The following TAB2 variants were observed in gnomAD, a reference collection of about 807,000 sequenced individuals.
TAB2 encodes TGF-beta activated kinase 1 (MAP3K7) binding protein 2.
A neutral mutation model predicts 65.0 loss-of-function variants in TAB2; 3 were observed. The observed-to-expected ratio is 0.05, with a 90% CI of 0.02 to 0.12. The LOEUF (loss-of-function observed/expected upper bound fraction) is 0.12. Among genes scored for constraint, TAB2 ranks in the 10% least tolerant of loss-of-function variants. The pLI is 1.00. For synonymous variants in TAB2, 298 were observed against 285.1 expected (o/e 1.05, Z -0.46); for missense variants, 623 against 840.3 (o/e 0.74, Z 3.20).
intron 6 of TAB2, among the ~76,000 whole-genome samples, chr6:149,403,331 C>CATATAT (rs1163835321): frequency 3.0e-5 from 1 of 33,744 alleles, no homozygotes; most frequent in African/African-American, 1.0e-4. Context: ...CATATATATA[C>CATATAT]ATATATATAC....
chr6:149,245,809 C>T (rs1390818440), intron 1 of TAB2, among the ~76,000 whole-genome samples: 2 of 152,166 alleles, frequency 1.3e-5, no homozygotes, highest in African/African-American at 4.8e-5. Flanking sequence ...TGTACCATTC[C>T]CCTACAGATG....
chr6:149,269,313 A>C (rs1363263097), intron 1 of TAB2, among the ~76,000 whole-genome samples: 1 of 152,200 alleles, frequency 6.6e-6, no homozygotes, highest in African/African-American at 2.4e-5. Flanking sequence ...AAAAGAAGTT[A>C]CGCTAGGTTA....
chr6:149,233,399 C>T (rs1777441232), intron 1 of TAB2, among the ~76,000 whole-genome samples: 1 of 152,186 alleles, frequency 6.6e-6, no homozygotes, highest in Non-Finnish European at 1.5e-5. Flanking sequence ...CTCCTTCCTG[C>T]CTGGGCCCAG....
At chr6:149,253,950 AAG>A (rs1274546767) in intron 1 of TAB2, among the ~76,000 whole-genome samples, 1 of 111,196 alleles carries the variant, frequency 9.0e-6, no homozygotes, top group African/African-American at 3.2e-5. Context: ...AAGAGAAAGA[AAG>A]AAAGAAAAAG....
intron 2 of TAB2, among the ~76,000 whole-genome samples, 156 bp from the exon 3 acceptor site, chr6:149,377,862 C>A (rs1332035076): frequency 6.6e-6 from 1 of 152,084 alleles, no homozygotes; most frequent in Non-Finnish European, 1.5e-5. Context: ...ATTTTTAATT[C>A]AATCATTTGC....
chr6:149,371,488 A>T (rs1781225050), intron 2 of TAB2, among the ~76,000 whole-genome samples: 1 of 152,204 alleles, frequency 6.6e-6, no homozygotes, highest in Non-Finnish European at 1.5e-5. Flanking sequence ...TTCTCCCACC[A>T]GCAATGCCTT....
At chr6:149,266,904 A>G (rs1778274753) in intron 1 of TAB2, among the ~76,000 whole-genome samples, 1 of 152,240 alleles carries the variant, frequency 6.6e-6, no homozygotes, top group Non-Finnish European at 1.5e-5. Context: ...CCGAAAATGC[A>G]AAAGGGGAAC....
At chr6:149,260,369 G>A (rs988332283) in intron 1 of TAB2, among the ~76,000 whole-genome samples, 1 of 152,186 alleles carries the variant, frequency 6.6e-6, no homozygotes, top group African/African-American at 2.4e-5. Flanking sequence ...CTCAGGGTTC[G>A]GCTTTGGAGT....
intron 1 of TAB2, chr6:149,220,705 T>C (rs1316535166): frequency 1.3e-5 from 2 of 152,088 alleles, no homozygotes; most frequent in African/African-American, 4.8e-5. Flanking sequence ...ATAACTCTGA[T>C]CCCCGGGCTC....
intron 1 of TAB2, among the ~76,000 whole-genome samples, chr6:149,263,917 G>C (rs1371972994): frequency 6.6e-6 from 1 of 152,178 alleles, no homozygotes; most frequent in South Asian, 2.1e-4. Flanking sequence ...TTGGAAACTG[G>C]AGAGTCTGGC....
At chr6:149,317,423 C>A (rs1329644072), upstream of TAB2, 2 of 167,848 alleles carry the variant, frequency 1.2e-5, no homozygotes, top group Non-Finnish European at 2.4e-5. This position sits in a 1 kb window ranked among gnomAD's most constrained non-coding sequence, Gnocchi z 4.7. Context: ...CCGCAGCCGC[C>A]GCCGCCGCCG....
At chr6:149,375,030 T>C (rs1980774) in intron 2 of TAB2, among the ~76,000 whole-genome samples, 35,910 of 152,188 alleles carry the variant, frequency 0.24, 4,427 homozygotes, top group Non-Finnish European at 0.26. Context: ...TTTAGTGCTA[T>C]TTGAATATTA....
intron 1 of TAB2, among the ~76,000 whole-genome samples, chr6:149,353,552 G>C (rs976017623): frequency 1.3e-5 from 2 of 152,140 alleles, no homozygotes; most frequent in African/African-American, 4.8e-5. Context: ...ATCAAGCGGG[G>C]AACGACCCCT....
At chr6:149,332,831 A>G (rs1018762499) in intron 1 of TAB2, among the ~76,000 whole-genome samples, 4 of 152,216 alleles carry the variant, frequency 2.6e-5, no homozygotes, top group Admixed American at 6.5e-5. Flanking sequence ...AATTTGTAGA[A>G]AGACATGTCT....
chr6:149,323,664 T>G (rs2114733649), intron 1 of TAB2, among the ~76,000 whole-genome samples: 1 of 152,306 alleles, frequency 6.6e-6, no homozygotes, highest in Non-Finnish European at 1.5e-5. Context: ...CTGTAAGTTA[T>G]CCTCTACCTA....
At chr6:149,273,980 G>A (rs1313530825) in intron 1 of TAB2, among the ~76,000 whole-genome samples, 2 of 152,218 alleles carry the variant, frequency 1.3e-5, no homozygotes, top group African/African-American at 4.8e-5. Context: ...AAGAAGACTG[G>A]ACAGATGGTA....
At chr6:149,305,228 CTT>C (rs1346963357) in intron 1 of TAB2, among the ~76,000 whole-genome samples, 2 of 152,156 alleles carry the variant, frequency 1.3e-5, no homozygotes, top group Non-Finnish European at 2.9e-5. Flanking sequence ...GATAGAATGT[CTT>C]TCTTCCTGTT....
intron 2 of TAB2, among the ~76,000 whole-genome samples, chr6:149,376,518 T>A (rs1335768845): frequency 6.6e-6 from 1 of 152,248 alleles, no homozygotes; most frequent in Non-Finnish European, 1.5e-5. Flanking sequence ...TCTTCTTTAC[T>A]CGTGCCATTC....
chr6:149,258,501 C>T (rs995432370), intron 1 of TAB2, among the ~76,000 whole-genome samples: 1 of 151,882 alleles, frequency 6.6e-6, no homozygotes, highest in Non-Finnish European at 1.5e-5. Context: ...TGTCCTATAC[C>T]TAAGGGAAGA....
Sources: gnomAD v4.1 joint callset for allele counts (sites outside exome capture counted in the v4.1 genomes callset) on GRCh38, gnomAD v4.1.1 for gene constraint, Gnocchi (gnomAD v3.1) non-coding constraint, MANE v1.5 for transcripts, NCBI Gene and HGNC (gene_info 2026-07-23, HGNC 2026-07-21) for gene names.